TNNI3K: variants seen among roughly 807,000 people sequenced by gnomAD.
The protein encoded by TNNI3K is serine/threonine-protein kinase TNNI3K.
In TNNI3K, 140 loss-of-function variants were observed where a neutral mutation model predicts 114.5. The observed-to-expected ratio is 1.22, with a 90% CI of 1.07 to 1.41. The LOEUF (loss-of-function observed/expected upper bound fraction) is 1.41, where lower values mean the gene tolerates loss of function less well. TNNI3K is among the 40% of genes most tolerant of loss of function. The pLI, the probability that TNNI3K is intolerant of heterozygous loss-of-function variation, is 0.00. For missense variants in TNNI3K, 1,125 were observed against 1,007.6 expected (o/e 1.12, Z -1.58); for synonymous variants, 347 against 347.5 (o/e 1.00, Z 0.02).
At chr1:74,239,199 G>A (rs967215191) in intron 2 of TNNI3K, among the ~76,000 whole-genome samples, 2 of 152,072 alleles carry the variant, frequency 1.3e-5, no homozygotes, top group South Asian at 2.1e-4. Context: ...GTCTGATTTC[G>A]TCAAGGTAGA....
intron 4 of TNNI3K, among the ~76,000 whole-genome samples, chr1:74,267,908 ATG>A (rs1656100737): frequency 6.6e-6 from 1 of 151,964 alleles, no homozygotes; most frequent in South Asian, 2.1e-4. Context: ...GAAAGGATAA[ATG>A]TGTGTTTACT....
intron 4 of TNNI3K, among the ~76,000 whole-genome samples, chr1:74,251,491 AT>A (rs1217930425): frequency 6.6e-6 from 1 of 152,192 alleles, no homozygotes; most frequent in African/African-American, 2.4e-5. Context: ...GCATATTAGG[AT>A]TTACTTTACA....
At chr1:74,341,560 C>A (rs1211670503) in intron 7 of TNNI3K, 1 of 147,390 alleles carries the variant, frequency 6.8e-6, no homozygotes, top group African/African-American at 2.5e-5. Context: ...GTTTTTGTTT[C>A]TGTTTTTTTT....
At chr1:74,422,457 G>T (rs556766159) in intron 17 of TNNI3K, among the ~76,000 whole-genome samples, 1 of 152,138 alleles carries the variant, frequency 6.6e-6, no homozygotes, top group African/African-American at 2.4e-5. Context: ...GAAGAGAAAT[G>T]TGAAGCTCAG....
chr1:74,512,005 C>T (rs923009124), intron 23 of TNNI3K, among the ~76,000 whole-genome samples: 3 of 152,266 alleles, frequency 2.0e-5, no homozygotes, highest in South Asian at 2.1e-4. Context: ...CAAGGAAAAT[C>T]GGAAGGAAGA....
chr1:74,507,261 G>T (rs1669956046), intron 23 of TNNI3K, among the ~76,000 whole-genome samples: 1 of 134,956 alleles, frequency 7.4e-6, no homozygotes, highest in South Asian at 2.3e-4. Flanking sequence ...ATACATAAAG[G>T]ATTCAATTAA....
chr1:74,400,794 C>CCCCA (rs1391880515), intron 17 of TNNI3K, among the ~76,000 whole-genome samples: 1 of 152,150 alleles, frequency 6.6e-6, no homozygotes, highest in Non-Finnish European at 1.5e-5. Context: ...TCTTCATGTA[C>CCCCA]CCCAGGCTGA....
intron 2 of TNNI3K, among the ~76,000 whole-genome samples, chr1:74,237,467 G>T (rs149323700): frequency 6.6e-6 from 1 of 152,038 alleles, no homozygotes; most frequent in East Asian, 1.9e-4. Flanking sequence ...ACATTGAAGA[G>T]ATTTTCCTCA....
At chr1:74,365,402 A>C (rs1053494311) in intron 11 of TNNI3K, among the ~76,000 whole-genome samples, 5 of 152,072 alleles carry the variant, frequency 3.3e-5, no homozygotes, top group Non-Finnish European at 5.9e-5. Context: ...CTTGTTAGAA[A>C]CACAACACTC....
chr1:74,349,807 C>T (rs1158669096), intron 9 of TNNI3K, among the ~76,000 whole-genome samples: 11 of 152,168 alleles, frequency 7.2e-5, no homozygotes, highest in South Asian at 2.1e-4. Flanking sequence ...TCTGTGGGAT[C>T]GGTGGTGATA....
At chr1:74,497,636 T>C (rs1234015106) in intron 23 of TNNI3K, among the ~76,000 whole-genome samples, 1 of 151,502 alleles carries the variant, frequency 6.6e-6, no homozygotes, top group Non-Finnish European at 1.5e-5. Context: ...ACACACACAA[T>C]TGAACCCCAG....
At chr1:74,288,278 T>C (rs1005341467) in intron 5 of TNNI3K, among the ~76,000 whole-genome samples, 2 of 152,154 alleles carry the variant, frequency 1.3e-5, no homozygotes, top group African/African-American at 2.4e-5. Flanking sequence ...TTAAAAATGG[T>C]GTCTCATTCT....
chr1:74,401,076 C>A (rs1570575680), intron 17 of TNNI3K, among the ~76,000 whole-genome samples: 1 of 152,152 alleles, frequency 6.6e-6, no homozygotes, highest in African/African-American at 2.4e-5. Flanking sequence ...GAGCCTAATA[C>A]TAAAGGCAAT....
chr1:74,259,502 C>G (rs1033223933), intron 4 of TNNI3K, among the ~76,000 whole-genome samples: 1 of 152,142 alleles, frequency 6.6e-6, no homozygotes, highest in South Asian at 2.1e-4. Flanking sequence ...AAAATGCTGG[C>G]AGGGCATAGT....
chr1:74,421,650 A>C (rs1223063218), intron 17 of TNNI3K, among the ~76,000 whole-genome samples: 1 of 152,144 alleles, frequency 6.6e-6, no homozygotes, highest in Admixed American at 6.6e-5. Context: ...AAAATGGTAG[A>C]TACTTCACAA....
intron 21 of TNNI3K, chr1:74,480,096 T>C: frequency 1.5e-6 from 1 of 658,020 alleles, no homozygotes; most frequent in South Asian, 1.8e-5. Context: ...CTTAGCATGC[T>C]GCAAAAATAT....
intron 5 of TNNI3K, among the ~76,000 whole-genome samples, chr1:74,305,123 G>A (rs114232495): frequency 0.011 from 1,679 of 152,254 alleles, 28 homozygotes; most frequent in African/African-American, 0.038. Context: ...GAGGCATAGG[G>A]AGAGGAGTTA....
rs199899961 is a variant in TNNI3K, at chr1:74,370,342, G to C, written c.1722G>C (p.Met574Ile). 1.3e-5 allele frequency: 21 copies of C among 1,607,280 alleles called. No individual in the cohort carries two copies. The highest frequency in any genetic ancestry group is 1.7e-5 in the Non-Finnish European group (20 of 1,176,088). Residue 574 changes from methionine (M) to isoleucine (I), a missense_variant, in exon 17 of 25, where the codon ATG becomes ATC. Coordinates refer to ENST00000326637, the MANE Select transcript of TNNI3K (RefSeq NM_015978.3). Reference sequence around the variant, plus strand: ...TTGCAGTAGATGTTGCCAAAGGCATGGAGTACCTTCACAACCTGACACAGC... The same window carrying C: ...TTGCAGTAGATGTTGCCAAAGGCATCGAGTACCTTCACAACCTGACACAGC... ...LIIAVDVAKG[M>I]EYLHNLTQPI...
At chr1:74,255,280 G>A (rs961583150) in intron 4 of TNNI3K, among the ~76,000 whole-genome samples, 1 of 150,874 alleles carries the variant, frequency 6.6e-6, no homozygotes, top group African/African-American at 2.4e-5. Context: ...CGTGAACCCG[G>A]GAGGCGGAGC....
Sources: allele counts gnomAD v4.1 joint callset (sites outside exome capture counted in the v4.1 genomes callset), GRCh38; gene constraint gnomAD v4.1.1; transcripts MANE v1.5; gene names NCBI Gene and HGNC (gene_info 2026-07-23, HGNC 2026-07-21).